Variants in REPS2 observed in about 807,000 individuals in gnomAD.
REPS2 encodes ralBP1-associated Eps domain-containing protein 2.
REPS2 carries 23 observed loss-of-function variants against 53.6 expected under a neutral mutation model. The ratio of observed to expected loss-of-function variants is 0.43; its 90% CI spans 0.31 to 0.61. The LOEUF is 0.61. Ranked by LOEUF, REPS2 falls within the 20% of genes least tolerant of loss-of-function variation. REPS2 has a pLI of 0.11. For synonymous variants in REPS2, 238 were observed against 218.6 expected (o/e 1.09, Z -0.78); for missense variants, 446 against 534.9 (o/e 0.83, Z 1.64).
chrX:17,141,724 T>C (rs746225697), intron 17 of REPS2, among the ~76,000 whole-genome samples: 3 of 112,623 alleles, frequency 2.7e-5, no homozygotes, highest in East Asian at 5.5e-4. Context: ...TGTAGTGATA[T>C]AGTTTTTATC....
chrX:17,051,872 G>A (rs768875079), intron 6 of REPS2, among the ~76,000 whole-genome samples: 1 of 112,078 alleles, frequency 8.9e-6, no homozygotes, highest in South Asian at 3.7e-4. Flanking sequence ...AATGAAGGAA[G>A]AAAGATTCCT....
chrX:17,022,622 G>A (rs772741191), intron 3 of REPS2, among the ~76,000 whole-genome samples: 4 of 112,334 alleles, frequency 3.6e-5, no homozygotes, highest in Non-Finnish European at 7.5e-5. Context: ...CCAAAAAGAA[G>A]TCTGTAGAAA....
chrX:17,012,007 A>G (rs1463644826), intron 2 of REPS2, among the ~76,000 whole-genome samples: 1 of 109,389 alleles, frequency 9.1e-6, no homozygotes, highest in Non-Finnish European at 1.9e-5. Flanking sequence ...ATGCTTCTTT[A>G]TTAATGCATT....
At chrX:17,139,010 T>TAAA in intron 17 of REPS2, 49 bp downstream of exon 17, 1 of 862,744 alleles carries the variant, frequency 1.2e-6, no homozygotes, top group Non-Finnish European at 1.6e-6. Flanking sequence ...CCCTGGCTTT[T>TAAA]AAAAAGCTTT....
chrX:16,971,794 T>C (rs1185101327), intron 1 of REPS2, among the ~76,000 whole-genome samples: 1 of 112,436 alleles, frequency 8.9e-6, no homozygotes, highest in Non-Finnish European at 1.9e-5. Flanking sequence ...TCCTAATGAA[T>C]TGTTTTGGAA....
chrX:17,033,369 A>G (rs768584154), intron 5 of REPS2, among the ~76,000 whole-genome samples: 4 of 109,840 alleles, frequency 3.6e-5, no homozygotes, highest in South Asian at 7.9e-4. Flanking sequence ...CACTCTACTT[A>G]CTCTTTAGAT....
At chrX:17,174,410 C>T in the REPS2 span, among the ~76,000 whole-genome samples, 3 of 111,852 alleles carry the variant, frequency 2.7e-5, no homozygotes, top group East Asian at 5.7e-4. Flanking sequence ...GGTCCTGACC[C>T]CAGAAATTCT....
At chrX:17,051,877 A>G (rs895936496) in intron 6 of REPS2, among the ~76,000 whole-genome samples, 1 of 112,155 alleles carries the variant, frequency 8.9e-6, no homozygotes, top group Non-Finnish European at 1.9e-5. Context: ...AGGAAGAAAG[A>G]TTCCTGGATA....
At chrX:17,036,225 T>C (rs2061763940) in intron 5 of REPS2, among the ~76,000 whole-genome samples, 2 of 112,767 alleles carry the variant, frequency 1.8e-5, no homozygotes, top group South Asian at 7.2e-4. Context: ...ATGTCTGTTT[T>C]CTCGTACCTT....
chrX:16,994,006 A>G (rs1346207324), intron 1 of REPS2, among the ~76,000 whole-genome samples: 1 of 112,863 alleles, frequency 8.9e-6, no homozygotes, highest in Non-Finnish European at 1.9e-5. Context: ...ACAGCCAGAT[A>G]ACCTCACAGA....
intron 13 of REPS2, among the ~76,000 whole-genome samples, chrX:17,091,065 T>A (rs1455306130): frequency 8.9e-6 from 1 of 112,077 alleles, no homozygotes; most frequent in Non-Finnish European, 1.9e-5. Context: ...GACACTGCAT[T>A]CTGTTCTGTT....
chrX:17,077,610 C>T lies in REPS2; in HGVS notation c.1516+203C>T, dbSNP rs757029533. Among the ~76,000 whole-genome samples, 5 of 112,078 alleles carry T rather than the reference C, an allele frequency of 4.5e-5. No individual in the cohort carries two copies. The East Asian group carries it at 1.4e-3, about 31-fold the overall frequency. On this transcript the variant is annotated intron_variant, in intron 13 of 17. Transcript: ENST00000357277. ...GTAGCACATGTGTCTGGAGCCTTGC[C>T]CACACTTGTTATGGATCAAGAATTA...
At chrX:17,036,738 T>C (rs982022667) in intron 5 of REPS2, among the ~76,000 whole-genome samples, 5 of 111,887 alleles carry the variant, frequency 4.5e-5, no homozygotes, top group African/African-American at 1.6e-4. Context: ...ACTGTGTGTG[T>C]GCGTTGATCT....
chrX:17,119,913 G>A (rs187554964), intron 14 of REPS2, among the ~76,000 whole-genome samples: 63 of 80,237 alleles, frequency 7.9e-4, no homozygotes, highest in Middle Eastern at 0.028. Context: ...GTCTTGCTCC[G>A]TTGCCCAGGC....
chrX:17,105,272 C>G (rs1417659647), intron 14 of REPS2, among the ~76,000 whole-genome samples: 4 of 111,542 alleles, frequency 3.6e-5, no homozygotes, highest in Non-Finnish European at 7.5e-5. Flanking sequence ...AGATGAGGCT[C>G]CTGCTCCACA....
At position 17,056,190 on chromosome X, in the gene REPS2, A is replaced by G. The variant is rs139452452; in HGVS notation, c.1114+1240A>G. 8.0e-3 allele frequency among the ~76,000 whole-genome samples: 894 copies of G among 111,688 alleles called. 13 individuals are homozygous for G. The highest frequency in any genetic ancestry group is 0.028 in the African/African-American group (861 of 30,719). On this transcript the variant is annotated intron_variant, in intron 8 of 17. Transcript: ENST00000357277. ...GTGTATTACCTGTTTTTCTCATTCT[A>G]TACCCTCTGGATGGATTTGAACCAA...
chrX:16,951,539 ACACACACACACACACACACACC>A (rs1424148511), intron 1 of REPS2, among the ~76,000 whole-genome samples: 1,455 of 56,314 alleles, frequency 0.026, 32 homozygotes, highest in African/African-American at 0.05. Flanking sequence ...ACACACACAC[ACACACACACACACACACACACC>A]CCCGCTACCT....
intron 14 of REPS2, among the ~76,000 whole-genome samples, chrX:17,120,401 C>T (rs2063126480): frequency 1.8e-5 from 2 of 111,995 alleles, no homozygotes; most frequent in Admixed American, 1.9e-4. Flanking sequence ...GTTAGTCTCT[C>T]TGTGCCTCAA....
chrX:17,145,577 T>C (rs1380451972), intron 17 of REPS2, among the ~76,000 whole-genome samples: 1 of 111,392 alleles, frequency 9.0e-6, no homozygotes, highest in African/African-American at 3.3e-5. Flanking sequence ...ACATCAACTT[T>C]ATCAGCAAGT....
Sources: gnomAD v4.1 joint callset for allele counts (sites outside exome capture counted in the v4.1 genomes callset) on GRCh38, gnomAD v4.1.1 for gene constraint, MANE v1.5 for transcripts, NCBI Gene and HGNC (gene_info 2026-07-23, HGNC 2026-07-21) for gene names.